RBFOX1: variants seen among roughly 807,000 people sequenced by gnomAD.
The protein encoded by RBFOX1 is RNA binding fox-1 homolog 1, also known as RNA binding protein fox-1 homolog 1.
A neutral mutation model predicts 57.7 loss-of-function variants in RBFOX1; 8 were observed. The ratio of observed to expected loss-of-function variants is 0.14; its 90% CI spans 0.08 to 0.25. The LOEUF (loss-of-function observed/expected upper bound fraction) is 0.25, where lower values mean the gene tolerates loss of function less well. Ranked by LOEUF, RBFOX1 falls within the 10% of genes least tolerant of loss-of-function variation. The pLI is 1.00. For synonymous variants in RBFOX1, 326 were observed against 222.4 expected, an observed-to-expected ratio of 1.47 and a Z score of -4.15; for missense variants, 611 against 548.5, an observed-to-expected ratio of 1.11 and a Z score of -1.14.
intron 3 of RBFOX1, among the ~76,000 whole-genome samples, chr16:5,662,673 G>T (rs74004460): frequency 0.018 from 2,763 of 152,248 alleles, 77 homozygotes; most frequent in African/African-American, 0.063. Flanking sequence ...GAAATATGGA[G>T]AATTGTGTGG....
intron 3 of RBFOX1, among the ~76,000 whole-genome samples, chr16:5,861,859 A>G (rs2057225727): frequency 6.6e-6 from 1 of 152,200 alleles, no homozygotes; most frequent in Non-Finnish European, 1.5e-5. Flanking sequence ...CCAAAGGGGA[A>G]AGAGGTCAGG....
At chr16:6,433,321 C>A (rs970858829) in intron 2 of RBFOX1, among the ~76,000 whole-genome samples, 2 of 152,178 alleles carry the variant, frequency 1.3e-5, no homozygotes, top group African/African-American at 4.8e-5. Flanking sequence ...GTTGGATGAG[C>A]AACTTTTAAA....
chr16:7,201,792 A>G (rs1422158871), intron 4 of RBFOX1, among the ~76,000 whole-genome samples: 1 of 152,122 alleles, frequency 6.6e-6, no homozygotes, highest in Non-Finnish European at 1.5e-5. Flanking sequence ...AAGCTTACCC[A>G]GGCTGGTAGA....
chr16:7,679,696 GA>G (rs1003740921), intron 14 of RBFOX1, among the ~76,000 whole-genome samples: 8 of 151,898 alleles, frequency 5.3e-5, no homozygotes, highest in African/African-American at 1.9e-4. Context: ...GGACTGTCCA[GA>G]AGGTCCTTAA....
intron 3 of RBFOX1, among the ~76,000 whole-genome samples, chr16:7,014,854 A>C (rs2093828753): frequency 6.6e-6 from 1 of 152,080 alleles, no homozygotes. Flanking sequence ...CCTCCTGAGT[A>C]GCTGAGATTA....
intron 4 of RBFOX1, among the ~76,000 whole-genome samples, chr16:6,005,222 A>G (rs1447683339): frequency 2.0e-5 from 3 of 152,310 alleles, no homozygotes; most frequent in Admixed American, 6.5e-5. Context: ...GAAAGAGGGG[A>G]AAAACACCCT....
chr16:5,839,918 C>T (rs1422905797), intron 3 of RBFOX1, among the ~76,000 whole-genome samples: 1 of 152,142 alleles, frequency 6.6e-6, no homozygotes, highest in African/African-American at 2.4e-5. Flanking sequence ...GCAATCAAGA[C>T]AGAGAAACTA....
At chr16:6,220,682 G>A (rs933643463) in intron 1 of RBFOX1, among the ~76,000 whole-genome samples, 1 of 150,638 alleles carries the variant, frequency 6.6e-6, no homozygotes. Context: ...TACTGTAGAT[G>A]TATTTTTCAT....
intron 3 of RBFOX1, among the ~76,000 whole-genome samples, chr16:6,768,247 C>T (rs902274645): frequency 7.9e-5 from 12 of 152,076 alleles, no homozygotes; most frequent in Non-Finnish European, 1.5e-4. Flanking sequence ...TCACTTTTTA[C>T]TCCATATACT....
chr16:6,304,556 A>G (rs1192197945), intron 1 of RBFOX1, among the ~76,000 whole-genome samples: 1 of 152,040 alleles, frequency 6.6e-6, no homozygotes, highest in African/African-American at 2.4e-5. Context: ...ATGGCTGGGA[A>G]TGATCTACTC....
chr16:5,598,757 G>C (rs2047269512), intron 2 of RBFOX1: 6 of 650,848 alleles, frequency 9.2e-6, no homozygotes, highest in Non-Finnish European at 1.6e-5. Context: ...GACCCCTGCA[G>C]GGGATGGGTG....
intron 3 of RBFOX1, among the ~76,000 whole-genome samples, chr16:6,931,793 A>G (rs751877295): frequency 2.2e-4 from 34 of 152,300 alleles, no homozygotes; most frequent in Non-Finnish European, 4.1e-4. Flanking sequence ...TAATTTATAA[A>G]GAAAAATAAG....
At chr16:7,285,463 T>G (rs948972269) in intron 4 of RBFOX1, among the ~76,000 whole-genome samples, 1 of 152,060 alleles carries the variant, frequency 6.6e-6, no homozygotes, top group Non-Finnish European at 1.5e-5. Flanking sequence ...TGTAGGTCTG[T>G]GCATCCAACA....
intron 4 of RBFOX1, among the ~76,000 whole-genome samples, chr16:7,460,217 T>C (rs938968079): frequency 2.6e-5 from 4 of 151,724 alleles, no homozygotes; most frequent in Admixed American, 6.6e-5. Flanking sequence ...CCAGACATCA[T>C]GTGGAAACTG....
chr16:6,217,773 G>T (rs1478739476), intron 1 of RBFOX1, among the ~76,000 whole-genome samples: 7 of 152,148 alleles, frequency 4.6e-5, no homozygotes. Flanking sequence ...CCAGCACTTT[G>T]GGAGGCTAAG....
intron 2 of RBFOX1, among the ~76,000 whole-genome samples, chr16:6,479,612 A>G (rs1474367690): frequency 6.6e-6 from 1 of 152,096 alleles, no homozygotes; most frequent in Non-Finnish European, 1.5e-5. Flanking sequence ...AAAGAAAACC[A>G]TGAAACCATC....
At chr16:5,383,924 G>T (rs1419276176) in intron 1 of RBFOX1, among the ~76,000 whole-genome samples, 2 of 152,164 alleles carry the variant, frequency 1.3e-5, no homozygotes, top group Non-Finnish European at 2.9e-5. Flanking sequence ...AGTGTCATCA[G>T]GACTCAGGTT....
chr16:6,819,156 C>T (rs79244567), intron 3 of RBFOX1, among the ~76,000 whole-genome samples: 4 of 152,250 alleles, frequency 2.6e-5, no homozygotes, highest in Middle Eastern at 6.8e-3. Context: ...ATATATTTGA[C>T]CCCTGTGAGC....
At chr16:5,364,625 T>C (rs1486795910) in intron 1 of RBFOX1, among the ~76,000 whole-genome samples, 2 of 152,232 alleles carry the variant, frequency 1.3e-5, no homozygotes, top group Non-Finnish European at 2.9e-5. Context: ...ACATTCTGCT[T>C]TTTGGAACCC....
Sources: allele counts gnomAD v4.1 joint callset (sites outside exome capture counted in the v4.1 genomes callset), GRCh38; gene constraint gnomAD v4.1.1; transcripts MANE v1.5; gene names NCBI Gene and HGNC (gene_info 2026-07-23, HGNC 2026-07-21).